Variants in HIVEP3 observed in about 807,000 individuals in gnomAD.
HIVEP3 encodes transcription factor HIVEP3.
In HIVEP3, 49 loss-of-function variants were observed where a neutral mutation model predicts 152.8. The ratio of observed to expected loss-of-function variants is 0.32; its 90% CI spans 0.26 to 0.41. The LOEUF (loss-of-function observed/expected upper bound fraction) is 0.41, where lower values mean the gene tolerates loss of function less well. HIVEP3 is among the 10% of genes least tolerant of loss of function. The pLI is 1.00. For synonymous variants in HIVEP3, 1,269 were observed against 1,289.0 expected (o/e 0.98, Z 0.33); for missense variants, 2,790 against 3,103.3 (o/e 0.90, Z 2.40).
At chr1:41,813,376 C>T (rs1032350575) in intron 1 of HIVEP3, among the ~76,000 whole-genome samples, 1 of 152,224 alleles carries the variant, frequency 6.6e-6, no homozygotes, top group Non-Finnish European at 1.5e-5. Flanking sequence ...CCTATCATGG[C>T]AGCTGGAAAA....
intron 1 of HIVEP3, among the ~76,000 whole-genome samples, chr1:42,022,196 A>G (rs182759844): frequency 4.5e-4 from 69 of 152,280 alleles, no homozygotes; most frequent in Non-Finnish European, 8.5e-4. Flanking sequence ...TCACATCACT[A>G]CTATTCTTTC....
chr1:41,697,730 G>A (rs1646298560), intron 2 of HIVEP3, among the ~76,000 whole-genome samples: 1 of 152,234 alleles, frequency 6.6e-6, no homozygotes, highest in Non-Finnish European at 1.5e-5. Flanking sequence ...CTCTGCATGA[G>A]TGCCATCTCT....
rs539396897 is a variant in HIVEP3 at position 41,859,408 on chromosome 1, T to C, written c.-801+59005A>G. On this transcript the variant is annotated intron_variant, in intron 1 of 8. Transcript: ENST00000372583. The stretch of plus-strand genomic sequence containing the variant: ...TTTTCTAATTATAAAAGTAATGTCA[T>C]GTCTTCAATATTTTAAACAAAAATG... 2.0e-5 allele frequency among the ~76,000 whole-genome samples: 3 copies of C among 152,368 alleles called. No homozygotes were observed. In the South Asian group the frequency reaches 6.2e-4, roughly 32 times the overall value.
At chr1:41,974,249 A>T (rs775205084) in intron 1 of HIVEP3, among the ~76,000 whole-genome samples, 2 of 152,108 alleles carry the variant, frequency 1.3e-5, no homozygotes, top group Non-Finnish European at 2.9e-5. Flanking sequence ...CCTGGAGGGG[A>T]CAGAGAAGAC....
At chr1:41,791,121 T>TACACACACACAC (rs60729364) in intron 1 of HIVEP3, among the ~76,000 whole-genome samples, 3 of 140,734 alleles carry the variant, frequency 2.1e-5, no homozygotes, top group African/African-American at 5.3e-5. Flanking sequence ...CACACATGTG[T>TACACACACACAC]ACACACACAC....
intron 1 of HIVEP3, among the ~76,000 whole-genome samples, chr1:41,703,244 T>G (rs948930547): frequency 4.9e-4 from 74 of 152,346 alleles, no homozygotes; most frequent in Non-Finnish European, 8.8e-5. Flanking sequence ...AAATCCAGGA[T>G]CATTCATTCT....
At chr1:41,821,007 G>A (rs1642578831) in intron 1 of HIVEP3, among the ~76,000 whole-genome samples, 1 of 152,338 alleles carries the variant, frequency 6.6e-6, no homozygotes, top group African/African-American at 2.4e-5. Flanking sequence ...ACAGTGTGCT[G>A]ATTTTCCCCT....
intron 2 of HIVEP3, among the ~76,000 whole-genome samples, chr1:41,638,875 G>A (rs1367092903): frequency 6.6e-6 from 1 of 152,228 alleles, no homozygotes; most frequent in Non-Finnish European, 1.5e-5. Flanking sequence ...TGCCTGGCAG[G>A]GGCCAGCCTC....
intron 1 of HIVEP3, among the ~76,000 whole-genome samples, chr1:41,979,064 G>C (rs1419051898): frequency 6.6e-6 from 1 of 152,136 alleles, no homozygotes; most frequent in Non-Finnish European, 1.5e-5. Context: ...TCTCAGCACA[G>C]GGCACCTGCA....
intron 1 of HIVEP3, among the ~76,000 whole-genome samples, chr1:41,818,753 G>A (rs920630499): frequency 6.6e-6 from 1 of 152,148 alleles, no homozygotes; most frequent in African/African-American, 2.4e-5. Context: ...ATGCACTGTG[G>A]AGATTTAATA....
intron 1 of HIVEP3, among the ~76,000 whole-genome samples, chr1:41,753,670 A>AAAATAAATAAT (rs1553256413): frequency 7.1e-6 from 1 of 141,004 alleles, no homozygotes; most frequent in African/African-American, 2.6e-5. Context: ...CGCCGTCTCA[A>AAAATAAATAAT]AAATAAATAA....
intron 1 of HIVEP3, among the ~76,000 whole-genome samples, chr1:41,846,796 G>A (rs1166689251): frequency 6.6e-6 from 1 of 152,206 alleles, no homozygotes; most frequent in African/African-American, 2.4e-5. Flanking sequence ...CCTCTTGCCT[G>A]GTGCCTTGCA....
chr1:41,925,154 C>G (rs529486331), intron 1 of HIVEP3, among the ~76,000 whole-genome samples: 3 of 152,112 alleles, frequency 2.0e-5, no homozygotes, highest in Non-Finnish European at 4.4e-5. Context: ...ACAAAACAAA[C>G]AAAAAACAGA....
At chr1:42,016,711 T>G (rs1416715923) in intron 1 of HIVEP3, among the ~76,000 whole-genome samples, 1 of 152,194 alleles carries the variant, frequency 6.6e-6, no homozygotes, top group Non-Finnish European at 1.5e-5. Flanking sequence ...AATCAGTATC[T>G]CCTGGCCATA....
At chr1:41,787,206 G>A (rs978652692) in intron 1 of HIVEP3, among the ~76,000 whole-genome samples, 1 of 152,096 alleles carries the variant, frequency 6.6e-6, no homozygotes, top group Non-Finnish European at 1.5e-5. Context: ...AATAATGCCC[G>A]TGTCTGATGC....
At chr1:42,020,053 C>G (rs1049457765) in intron 1 of HIVEP3, among the ~76,000 whole-genome samples, 2 of 151,828 alleles carry the variant, frequency 1.3e-5, no homozygotes, top group Non-Finnish European at 2.9e-5. Context: ...AAAGTTTATC[C>G]CACTTGGTTA....
At chr1:41,646,963 C>T (rs1645470049) in intron 2 of HIVEP3, among the ~76,000 whole-genome samples, 1 of 152,190 alleles carries the variant, frequency 6.6e-6, no homozygotes, top group Admixed American at 6.5e-5. Flanking sequence ...TGTACTCCTT[C>T]TTTGGCTCAT....
At chr1:41,872,951 A>G (rs1410020698) in intron 1 of HIVEP3, among the ~76,000 whole-genome samples, 4 of 152,222 alleles carry the variant, frequency 2.6e-5, no homozygotes, top group African/African-American at 9.7e-5. Flanking sequence ...TGCATGTTTA[A>G]CTTTCTAGGA....
upstream of HIVEP3, among the ~76,000 whole-genome samples, chr1:41,919,276 C>A (rs114926028): frequency 0.022 from 3,298 of 152,168 alleles, 68 homozygotes; most frequent in Non-Finnish European, 0.026. Context: ...ACGGGTCAGA[C>A]GAGACAGGGC....
Sources: allele counts gnomAD v4.1 joint callset (sites outside exome capture counted in the v4.1 genomes callset), GRCh38; gene constraint gnomAD v4.1.1; transcripts MANE v1.5; gene names NCBI Gene and HGNC (gene_info 2026-07-23, HGNC 2026-07-21).